The following PRCD variants were observed in gnomAD, a reference collection of about 807,000 sequenced individuals.
PRCD encodes photoreceptor disk component PRCD.
PRCD carries 12 observed loss-of-function variants against 10.1 expected under a neutral mutation model. The observed-to-expected ratio is 1.18, with a 90% CI of 0.76 to 1.92. The LOEUF is 1.92. Among genes scored for constraint, PRCD ranks in the 40% most tolerant of loss-of-function variants. The pLI, the probability that PRCD is intolerant of heterozygous loss-of-function variation, is 0.00. For missense variants in PRCD, 61 were observed against 72.2 expected (o/e 0.84, Z 0.56); for synonymous variants, 31 against 26.2 (o/e 1.18, Z -0.56).
Position 76,531,232 on chromosome 17 carries a change from G to C in PRCD, n.45+3399G>C. ...CCCTCCGCCCCACGTGTGGCCGAGAGGATCATTCCTAACGCAACAGTCTGG... is the reference window on the plus strand; with the variant it reads ...CCCTCCGCCCCACGTGTGGCCGAGACGATCATTCCTAACGCAACAGTCTGG... On this transcript the variant is annotated intron_variant and non_coding_transcript_variant, in intron 1 of 4. Coordinates refer to the PRCD transcript ENST00000397633. The surrounding 1 kb of genome is among the most constrained non-coding windows in gnomAD (Gnocchi z 7.4). 2.1e-6 allele frequency: 3 copies of C among 1,407,054 alleles called. No homozygotes were observed. The South Asian group carries it at 3.9e-5, about 18-fold the overall frequency. The allele number at this position is 1,407,054 out of a possible 1,614,324, so 87.2% of individuals were successfully genotyped here.
chr17:76,531,018 T>G lies in PRCD; in HGVS notation n.45+3185T>G. 6.2e-7 allele frequency: 1 copy of G among 1,612,926 alleles called. No homozygotes were observed. Among genetic ancestry groups the G allele is most frequent in the Non-Finnish European group, 8.5e-7 (1 of 1,179,682 alleles). ...GACCTGCTGCACCCAGCCCACTTCC[T>G]TGTAGGCAGCGGTCACGTGGCTGTA... On this transcript the variant is annotated intron_variant and non_coding_transcript_variant, in intron 1 of 4. Coordinates refer to the PRCD transcript ENST00000397633. The surrounding 1 kb of genome is among the most constrained non-coding windows in gnomAD (Gnocchi z 7.4).
rs1410874757 is a variant in PRCD at position 76,531,613 on chromosome 17, C to G, written n.45+3780C>G. On this transcript the variant is annotated intron_variant and non_coding_transcript_variant, in intron 1 of 4. Coordinates refer to the PRCD transcript ENST00000397633. This position sits in a 1 kb window ranked among gnomAD's most constrained non-coding sequence, Gnocchi z 7.4. ...AGGCGTGCTTCCGCAGCTGGGGGCT[C>G]CGCTCCATCTCCAGGGGATCCTCCA... 1.2e-6 allele frequency: 2 copies of G among 1,613,578 alleles called. No individual in the cohort carries two copies. The highest frequency in any genetic ancestry group is 1.7e-5 in the Admixed American group (1 of 60,016).
Position 76,528,191 on chromosome 17 carries a change from G to A in PRCD, n.45+358G>A. On this transcript the variant is annotated intron_variant and non_coding_transcript_variant, in intron 1 of 4. Transcript: ENST00000397633. This position sits in a 1 kb window ranked among gnomAD's most constrained non-coding sequence, Gnocchi z 5.8. ...ATATATCTGTATATATGGTAGATGTGTGCGTGATACTCTAGATGGTGATGT... is the reference window on the plus strand; with the variant it reads ...ATATATCTGTATATATGGTAGATGTATGCGTGATACTCTAGATGGTGATGT... 1 of 397,826 alleles carries A rather than the reference G, an allele frequency of 2.5e-6. No individual in the cohort carries two copies. The highest frequency in any genetic ancestry group is 4.4e-6 in the Non-Finnish European group (1 of 226,298). The allele number at this position is 397,826 out of a possible 1,614,324, so 24.6% of individuals were successfully genotyped here.
At position 76,533,778 on chromosome 17, in the gene PRCD, G is replaced by A. The variant is rs1481348755; in HGVS notation, n.45+5945G>A. Among the ~76,000 whole-genome samples the A allele has an allele frequency of 6.6e-6, 1 of 151,594 alleles. No homozygotes were observed. The highest frequency in any genetic ancestry group is 2.4e-5 in the African/African-American group (1 of 41,194). Reference sequence around the variant, plus strand: ...AGGTCAGGTGTGGTGGCTCATGCCTGTAGAACTTTGGGAGGCCAAGGCAGG... The same window carrying A: ...AGGTCAGGTGTGGTGGCTCATGCCTATAGAACTTTGGGAGGCCAAGGCAGG... On this transcript the variant is annotated intron_variant and non_coding_transcript_variant, in intron 1 of 4. Coordinates refer to the PRCD transcript ENST00000397633. The surrounding 1 kb of genome is among the most constrained non-coding windows in gnomAD (Gnocchi z 4.5).
Position 76,531,188 on chromosome 17 carries a change from C to A in PRCD, n.45+3355C>A. 6.3e-7 allele frequency: 1 copy of A among 1,577,942 alleles called. No individual in the cohort carries two copies. The highest frequency in any genetic ancestry group is 8.7e-7 in the Non-Finnish European group (1 of 1,155,494). On this transcript the variant is annotated intron_variant and non_coding_transcript_variant, in intron 1 of 4. Coordinates refer to the PRCD transcript ENST00000397633. This position sits in a 1 kb window ranked among gnomAD's most constrained non-coding sequence, Gnocchi z 7.4. ...GGGGAGTGAACGCCCGGGCGCCCTG[C>A]GTCCTGCAACCCCCAGGCCCCTCCG...
chr17:76,551,624 C>T (rs561122456), intron 1 of PRCD: 1 of 152,150 alleles, frequency 6.6e-6, no homozygotes, highest in Non-Finnish European at 1.5e-5. Context: ...TCTGCATGAT[C>T]CCAGCTTTCT....
At position 76,531,985 on chromosome 17, in the gene PRCD, C is replaced by T. The variant is rs895496741; in HGVS notation, n.45+4152C>T. ...TGCTTCCTTCCCAAACTCTACACCC[C>T]CTTCAAGCCCTGCTCTAGTCATAGC... On this transcript the variant is annotated intron_variant and non_coding_transcript_variant, in intron 1 of 4. Coordinates refer to the PRCD transcript ENST00000397633. The surrounding 1 kb of genome is among the most constrained non-coding windows in gnomAD (Gnocchi z 7.4). 3.5e-5 allele frequency: 11 copies of T among 316,052 alleles called. No individual in the cohort carries two copies. The highest frequency in any genetic ancestry group is 1.9e-4 in the African/African-American group (9 of 48,286). 19.6% of individuals were successfully genotyped at this position (316,052 alleles called of 1,614,324 possible).
chr17:76,540,824 G>T lies in PRCD; in HGVS notation c.143+251G>T, dbSNP rs2074983370. Among the ~76,000 whole-genome samples, 1 of 152,198 alleles carries T rather than the reference G, an allele frequency of 6.6e-6. No homozygotes were observed. The highest frequency in any genetic ancestry group is 1.5e-5 in the Non-Finnish European group (1 of 68,034). ...GTGCCTCTCATCTCCAGCACGGGGC[G>T]GTCCCCCGGGGCACCTTCTGTCAGA... is the stretch of plus-strand genomic sequence containing the variant. On this transcript the variant is annotated intron_variant, in intron 2 of 4. Transcript: ENST00000592014. The surrounding 1 kb of genome is among the most constrained non-coding windows in gnomAD (Gnocchi z 5.0).
upstream of PRCD, among the ~76,000 whole-genome samples, chr17:76,536,005 C>G (rs2143113645): frequency 6.6e-6 from 1 of 152,306 alleles, no homozygotes; most frequent in Non-Finnish European, 1.5e-5. Context: ...AGGACGCAGT[C>G]TGGCACATCT....
chr17:76,539,339 T>C (rs1383710755), upstream of PRCD, among the ~76,000 whole-genome samples: 7 of 152,202 alleles, frequency 4.6e-5, no homozygotes, highest in Non-Finnish European at 8.8e-5. Flanking sequence ...GCAAATGTAA[T>C]ATAGTCGTAT....
Position 76,530,972 on chromosome 17 carries a change from T to C in PRCD, n.45+3139T>C, listed in dbSNP as rs764011678. 9.5e-6 allele frequency: 15 copies of C among 1,586,632 alleles called. No individual in the cohort carries two copies. The Admixed American group carries it at 2.6e-4, about 28-fold the overall frequency. On this transcript the variant is annotated intron_variant and non_coding_transcript_variant, in intron 1 of 4. Coordinates refer to the PRCD transcript ENST00000397633. This position sits in a 1 kb window ranked among gnomAD's most constrained non-coding sequence, Gnocchi z 6.1. The stretch of plus-strand genomic sequence containing the variant: ...GCTGCCCAGCCCACCCTCGCCCGCC[T>C]CCTCACGTGGTGGCGTTGGGGACCT...
In PRCD at chr17:76,528,195, G is replaced by A. The variant is rs893631629; in HGVS notation, n.45+362G>A. ...ATCTGTATATATGGTAGATGTGTGC[G>A]TGATACTCTAGATGGTGATGTGGAG... is the stretch of plus-strand genomic sequence containing the variant. On this transcript the variant is annotated intron_variant and non_coding_transcript_variant, in intron 1 of 4. Coordinates refer to the PRCD transcript ENST00000397633. The surrounding 1 kb of genome is among the most constrained non-coding windows in gnomAD (Gnocchi z 5.8). 7 of 397,766 alleles carry A rather than the reference G, an allele frequency of 1.8e-5. No homozygotes were observed. The highest frequency in any genetic ancestry group is 1.4e-4 in the South Asian group (1 of 7,192). 24.6% of individuals were successfully genotyped at this position (397,766 alleles called of 1,614,324 possible). A position where few individuals can be genotyped will look rare whatever the true frequency, so the allele number is the denominator to read the frequency against.
chr17:76,544,908 C>T lies in PRCD; in HGVS notation c.*1258C>T, dbSNP rs373405295. The T allele has an allele frequency of 7.9e-5, 36 of 456,678 alleles. No individual in the cohort carries two copies. In the East Asian group the frequency reaches 2.1e-3, roughly 26 times the overall value. The allele number at this position is 456,678 out of a possible 1,614,324, so 28.3% of individuals were successfully genotyped here. A position where few individuals can be genotyped will look rare whatever the true frequency, so the allele number is the denominator to read the frequency against. On this transcript the variant is annotated 3_prime_UTR_variant, in exon 5 of 5. Transcript: ENST00000592014. ...GCAGCGCCCCTCCACGCCACTGTTC[C>T]GAGAACCTGCGCAGGAGGTGGTGGC...
rs756657981 is a variant in PRCD, at chr17:76,530,971, C to T, written n.45+3138C>T. On this transcript the variant is annotated intron_variant and non_coding_transcript_variant, in intron 1 of 4. Coordinates refer to the PRCD transcript ENST00000397633. The surrounding 1 kb of genome is among the most constrained non-coding windows in gnomAD (Gnocchi z 6.1). ...GGCTGCCCAGCCCACCCTCGCCCGC[C>T]TCCTCACGTGGTGGCGTTGGGGACC... The T allele has an allele frequency of 5.0e-6, 8 of 1,586,566 alleles. No homozygotes were observed. The highest frequency in any genetic ancestry group is 6.0e-6 in the Non-Finnish European group (7 of 1,165,060).
At chr17:76,547,900 CACAT>C (rs2075069932), downstream of PRCD, among the ~76,000 whole-genome samples, 2 of 139,628 alleles carry the variant, frequency 1.4e-5, no homozygotes, top group Admixed American at 1.4e-4. Context: ...CACACAGACA[CACAT>C]AACACATTCA....
chr17:76,533,527 C>A lies in PRCD; in HGVS notation n.45+5694C>A, dbSNP rs2074874029. 6.6e-6 allele frequency among the ~76,000 whole-genome samples: 1 copy of A among 152,136 alleles called. No individual in the cohort carries two copies. Among genetic ancestry groups the A allele is most frequent in the South Asian group, 2.1e-4 (1 of 4,826 alleles). ...ATTGCTTGAGCTCAGGCATTTGAGACCAGCCTGGGCAATGTGGCAAACCCT... is the reference window on the plus strand; with the variant it reads ...ATTGCTTGAGCTCAGGCATTTGAGAACAGCCTGGGCAATGTGGCAAACCCT... On this transcript the variant is annotated intron_variant and non_coding_transcript_variant, in intron 1 of 4. Coordinates refer to the PRCD transcript ENST00000397633. This position sits in a 1 kb window ranked among gnomAD's most constrained non-coding sequence, Gnocchi z 4.5.
At chr17:76,539,726 T>C (rs146048824), upstream of PRCD, among the ~76,000 whole-genome samples, 19 of 152,334 alleles carry the variant, frequency 1.2e-4, no homozygotes, top group East Asian at 3.1e-3. Flanking sequence ...AGGCCCTTGC[T>C]CCTCTTTAAA....
chr17:76,540,664 C>CGCCTGTGCGT lies in PRCD; in HGVS notation c.143+94_143+103dup, dbSNP rs1370267313. The CGCCTGTGCGT allele has an allele frequency of 3.8e-5, 50 of 1,314,472 alleles. No individual in the cohort carries two copies. The highest frequency in any genetic ancestry group is 4.8e-5 in the Non-Finnish European group (44 of 919,662). 81.4% of individuals were successfully genotyped at this position (1,314,472 alleles called of 1,614,324 possible). On this transcript the variant is annotated intron_variant, in intron 2 of 4. Coordinates refer to ENST00000592014, the MANE Select transcript of PRCD (RefSeq NM_001077620.3). The surrounding 1 kb of genome is among the most constrained non-coding windows in gnomAD (Gnocchi z 5.0). ...GGGGGTGCACGTGTGTGCCTGTGCG[C>CGCCTGTGCGT]GCCTGTGCGTGCACCGTATCCTGGC...
chr17:76,529,115 C>T, intron 1 of PRCD: 1 of 980,454 alleles, frequency 1.0e-6, no homozygotes, highest in Non-Finnish European at 1.2e-6. Context: ...AACAGTGGCG[C>T]CTGGCCCACC....
Sources: gnomAD v4.1 joint callset for allele counts (sites outside exome capture counted in the v4.1 genomes callset) on GRCh38, gnomAD v4.1.1 for gene constraint, Gnocchi (gnomAD v3.1) non-coding constraint, MANE v1.5 for transcripts, NCBI Gene and HGNC (gene_info 2026-07-23, HGNC 2026-07-21) for gene names.